SLCO6A1: variants seen among roughly 807,000 people sequenced by gnomAD.
SLCO6A1 encodes the protein solute carrier organic anion transporter family member 6A1.
In SLCO6A1, 65 loss-of-function variants were observed where a neutral mutation model predicts 72.7. The observed-to-expected ratio is 0.89, with a 90% confidence interval of 0.73 to 1.10. The LOEUF (loss-of-function observed/expected upper bound fraction) is 1.10. SLCO6A1 is among the 50% of genes least tolerant of loss of function. SLCO6A1 has a pLI of 0.00. For missense variants in SLCO6A1, 874 were observed against 872.6 expected (o/e 1.00, Z -0.02); for synonymous variants, 314 against 298.2 (o/e 1.05, Z -0.55).
intron 2 of SLCO6A1, among the ~76,000 whole-genome samples, chr5:102,478,166 TA>T (rs931956311): frequency 5.9e-5 from 9 of 151,294 alleles, no homozygotes; most frequent in East Asian, 3.9e-4. Context: ...AAATAAAAAA[TA>T]AAAAAAAGGA....
At chr5:102,413,413 A>T (rs1748099802) in intron 8 of SLCO6A1, among the ~76,000 whole-genome samples, 1 of 92,510 alleles carries the variant, frequency 1.1e-5, no homozygotes, top group African/African-American at 3.4e-5. Flanking sequence ...CATAATAATA[A>T]AAAAAAAAAC....
At chr5:102,474,638 C>T (rs1054941272) in intron 4 of SLCO6A1, among the ~76,000 whole-genome samples, 1 of 151,950 alleles carries the variant, frequency 6.6e-6, no homozygotes. Flanking sequence ...GAAAAGGCAA[C>T]CTGCAGAATG....
intron 4 of SLCO6A1, among the ~76,000 whole-genome samples, chr5:102,473,618 A>C (rs968097924): frequency 1.2e-4 from 19 of 152,018 alleles, no homozygotes; most frequent in African/African-American, 4.3e-4. Context: ...AGCCAGAAAA[A>C]TTGGGGAAGA....
intron 10 of SLCO6A1, among the ~76,000 whole-genome samples, chr5:102,394,125 C>T (rs1545487): frequency 0.64 from 97,158 of 151,950 alleles, 31,261 homozygotes; most frequent in African/African-American, 0.66. Flanking sequence ...CTGCTCTCTC[C>T]GGAATTTTGA....
intron 3 of SLCO6A1, among the ~76,000 whole-genome samples, chr5:102,476,690 T>C (rs1751916561): frequency 6.6e-6 from 1 of 152,044 alleles, no homozygotes; most frequent in Admixed American, 6.6e-5. Flanking sequence ...ATATTTAATG[T>C]AAAATACATG....
Position 102,498,619 on chromosome 5 carries a change from T to C in SLCO6A1, c.226A>G (p.Lys76Glu). Residue 76 changes from lysine (K) to glutamate (E), a missense_variant, in exon 1 of 14, where the codon AAG becomes GAG. Coordinates refer to ENST00000506729, the MANE Select transcript of SLCO6A1 (RefSeq NM_173488.5). ...KRKKAKSSVS[K>E]KPGEVDDSLE... Reference sequence around the variant, plus strand: ...CTGTCATCCACTTCTCCCGGCTTCTTGGAAACTGAGGACTTGGCTTTTTTC... The same window carrying C: ...CTGTCATCCACTTCTCCCGGCTTCTCGGAAACTGAGGACTTGGCTTTTTTC... 6.2e-7 allele frequency: 1 copy of C among 1,614,236 alleles called. No homozygotes were observed. The highest frequency in any genetic ancestry group is 8.5e-7 in the Non-Finnish European group (1 of 1,180,036).
chr5:102,418,717 G>A (rs890101175), intron 8 of SLCO6A1, among the ~76,000 whole-genome samples: 3 of 152,014 alleles, frequency 2.0e-5, no homozygotes, highest in Non-Finnish European at 4.4e-5. Context: ...CTAGGTCCTA[G>A]CCTTACACAG....
At chr5:102,375,296 A>C (rs1398292594) in intron 12 of SLCO6A1, among the ~76,000 whole-genome samples, 1 of 152,170 alleles carries the variant, frequency 6.6e-6, no homozygotes. Flanking sequence ...ACAAAGTTCT[A>C]GTCACTTACC....
chr5:102,486,571 G>C (rs1447369464), intron 1 of SLCO6A1, among the ~76,000 whole-genome samples: 1 of 152,044 alleles, frequency 6.6e-6, no homozygotes, highest in Admixed American at 6.5e-5. Context: ...GAAGTCTATT[G>C]TTTCCAGGAG....
chr5:102,398,938 G>C (rs1325851102), intron 10 of SLCO6A1, among the ~76,000 whole-genome samples: 2 of 151,630 alleles, frequency 1.3e-5, no homozygotes, highest in African/African-American at 2.4e-5. Flanking sequence ...TTTGTTTCCT[G>C]GTCAGCCTAT....
chr5:102,457,690 G>A (rs1750802598), intron 6 of SLCO6A1, among the ~76,000 whole-genome samples: 1 of 152,186 alleles, frequency 6.6e-6, no homozygotes. Context: ...GGAAGTCAAT[G>A]TGGCGATTCC....
chr5:102,480,043 C>G (rs1340200585), intron 2 of SLCO6A1, 134 bp downstream of exon 2: 2 of 809,478 alleles, frequency 2.5e-6, no homozygotes, highest in Admixed American at 6.2e-5. Context: ...AATTAGCAAA[C>G]TTGGTCATAT....
At chr5:102,386,860 C>G (rs1561418074) in intron 12 of SLCO6A1, among the ~76,000 whole-genome samples, 1 of 152,170 alleles carries the variant, frequency 6.6e-6, no homozygotes, top group African/African-American at 2.4e-5. Context: ...GAGTCAATGG[C>G]AATCAGGTTC....
intron 1 of SLCO6A1, among the ~76,000 whole-genome samples, chr5:102,492,503 C>T (rs1284630994): frequency 6.6e-6 from 1 of 152,106 alleles, no homozygotes; most frequent in Non-Finnish European, 1.5e-5. Flanking sequence ...AACTGAGGTA[C>T]CGGGTTCATC....
chr5:102,441,878 T>C (rs749870951), intron 6 of SLCO6A1, among the ~76,000 whole-genome samples: 28 of 151,794 alleles, frequency 1.8e-4, no homozygotes, highest in Non-Finnish European at 3.8e-4. Context: ...AGTTTTTTTA[T>C]TTTACCTTTA....
At chr5:102,431,809 C>T (rs1749234564) in intron 7 of SLCO6A1, among the ~76,000 whole-genome samples, 1 of 151,952 alleles carries the variant, frequency 6.6e-6, no homozygotes, top group Admixed American at 6.6e-5. Flanking sequence ...GCCTTGACAA[C>T]CTTTCTAACA....
At chr5:102,404,337 TACAA>T (rs1747555477) in intron 9 of SLCO6A1, among the ~76,000 whole-genome samples, 1 of 151,974 alleles carries the variant, frequency 6.6e-6, no homozygotes, top group Non-Finnish European at 1.5e-5. Context: ...CTACTAAAAA[TACAA>T]ACAATTAGCC....
intron 4 of SLCO6A1, among the ~76,000 whole-genome samples, chr5:102,461,764 GA>G (rs1751052001): frequency 6.6e-6 from 1 of 152,062 alleles, no homozygotes; most frequent in Non-Finnish European, 1.5e-5. Flanking sequence ...AAAATAAACT[GA>G]AATTGAATGT....
chr5:102,431,054 T>G (rs1749190294), intron 7 of SLCO6A1, among the ~76,000 whole-genome samples: 1 of 152,156 alleles, frequency 6.6e-6, no homozygotes. Context: ...TTTATTCATT[T>G]TTTCTAGATT....
Sources: allele counts gnomAD v4.1 joint callset (sites outside exome capture counted in the v4.1 genomes callset), GRCh38; gene constraint gnomAD v4.1.1; transcripts MANE v1.5; gene names NCBI Gene and HGNC (gene_info 2026-07-23, HGNC 2026-07-21).